The following TLN1 variants were observed in gnomAD, a reference collection of about 807,000 sequenced individuals.
The protein encoded by TLN1 is talin-1.
In TLN1, 56 loss-of-function variants were observed where a neutral mutation model predicts 292.3. That is an observed-to-expected ratio of 0.19 (90% CI 0.15 to 0.24). The LOEUF (loss-of-function observed/expected upper bound fraction) is 0.24, where lower values mean the gene tolerates loss of function less well. Ranked by LOEUF, TLN1 falls within the 10% of genes least tolerant of loss-of-function variation. The probability of loss-of-function intolerance (pLI) is 1.00; values close to 1 mark genes in which losing one functional copy is unlikely to be tolerated. For synonymous variants in TLN1, 1,119 were observed against 1,253.7 expected (o/e 0.89, Z 2.27); for missense variants, 2,433 against 3,248.2 (o/e 0.75, Z 6.10).
At position 35,712,093 on chromosome 9, in the gene TLN1, C is replaced by T. The variant is rs765433665; in HGVS notation, c.3593G>A (p.Arg1198His). ...VAKAVTQALN[R>H]CVSCLPGQRD... The stretch of plus-strand genomic sequence containing the variant: ...CTGGCCAGGTAGGCAGCTGACACAG[C>T]GGTTCAGAGCCTGGGTCACTGCTTT... Residue 1198 changes from arginine to histidine, a missense_variant, in exon 28 of 57, where the codon CGC becomes CAC. Physicochemically the swap from Arg to His is conservative, Grantham distance 29 (BLOSUM62 0). Coordinates refer to ENST00000314888, the MANE Select transcript of TLN1 (RefSeq NM_006289.4). The T allele has an allele frequency of 3.1e-5, 50 of 1,613,730 alleles. No individual in the cohort carries two copies. Among genetic ancestry groups the T allele is most frequent in the East Asian group, 6.7e-5 (3 of 44,898 alleles).
In TLN1 at chr9:35,707,465, C is replaced by A; in HGVS notation, c.4656G>T (p.Glu1552Asp). 6.2e-7 allele frequency: 1 copy of A among 1,614,166 alleles called. No homozygotes were observed. The highest frequency in any genetic ancestry group is 8.5e-7 in the Non-Finnish European group (1 of 1,180,036). The change falls in exon 36 of 57, where the codon GAG becomes GAT. Residue 1552 changes from glutamate (E) to aspartate (D), a missense_variant. Glu to Asp is a conservative substitution (Grantham distance 45, BLOSUM62 2). This residue lies in a region of TLN1 where 1,384 missense variants were observed against 1,699.6 expected (regional missense o/e 0.81). Coordinates refer to ENST00000314888, the MANE Select transcript of TLN1 (RefSeq NM_006289.4). The surrounding 1 kb of genome is among the most constrained non-coding windows in gnomAD (Gnocchi z 5.6). The stretch of plus-strand genomic sequence containing the variant: ...CTGCTCGGCACTGGGCACGGTTCTC[C>A]TCTGTGAAGGCCCCATCTAGCGCCT... ...TIKALDGAFTEENRAQCRAAT... is the reference protein window; with the variant it reads ...TIKALDGAFTDENRAQCRAAT...
At position 35,699,606 on chromosome 9, in the gene TLN1, G is replaced by A; in HGVS notation, c.6769-145C>T. On this transcript the variant is annotated intron_variant, in intron 50 of 56. Transcript: ENST00000314888. This position sits in a 1 kb window ranked among gnomAD's most constrained non-coding sequence, Gnocchi z 4.0. ...CTCAAACTCCACGCTGCCTATCCAA[G>A]TACACATCATGCATCACACCTCACA... 7.0e-7 allele frequency: 1 copy of A among 1,428,448 alleles called. No homozygotes were observed. Among genetic ancestry groups the A allele is most frequent in the East Asian group, 2.5e-5 (1 of 39,606 alleles). 88.5% of individuals were successfully genotyped at this position (1,428,448 alleles called of 1,614,324 possible).
chr9:35,724,408 A>T lies in TLN1; in HGVS notation c.512-74T>A. ...CTGTCTGGTCTCTGTTTATTTCTGC[A>T]TTTCCTACCTCCCCTCACTTAAATG... is the stretch of plus-strand genomic sequence containing the variant. On this transcript the variant is annotated intron_variant, in intron 5 of 56. Transcript: ENST00000314888. The surrounding 1 kb of genome is among the most constrained non-coding windows in gnomAD (Gnocchi z 4.7). 6.3e-7 allele frequency: 1 copy of T among 1,595,026 alleles called. No individual in the cohort carries two copies. The highest frequency in any genetic ancestry group is 8.6e-7 in the Non-Finnish European group (1 of 1,165,876).
At position 35,720,706 on chromosome 9, in the gene TLN1, AC is replaced by A. The variant is rs1473329425; in HGVS notation, c.1206+105del. ...AGAGGCAAGATCTCGGCTCATTGCA[AC>A]CTCCGCCTCCCAGGTTCAAGCAATC... On this transcript the variant is annotated intron_variant, in intron 11 of 56. Transcript: ENST00000314888. 17 of 1,176,190 alleles carry A rather than the reference AC, an allele frequency of 1.4e-5. No individual in the cohort carries two copies. In the African/African-American group the frequency reaches 2.3e-4, roughly 16 times the overall value. 72.9% of individuals were successfully genotyped at this position (1,176,190 alleles called of 1,614,324 possible).
In TLN1 at chr9:35,724,407, C is replaced by T. The variant is rs1215556611; in HGVS notation, c.512-73G>A. ...GCTGTCTGGTCTCTGTTTATTTCTG[C>T]ATTTCCTACCTCCCCTCACTTAAAT... On this transcript the variant is annotated intron_variant, in intron 5 of 56. Transcript: ENST00000314888. The surrounding 1 kb of genome is among the most constrained non-coding windows in gnomAD (Gnocchi z 4.7). 6.3e-7 allele frequency: 1 copy of T among 1,593,996 alleles called. No individual in the cohort carries two copies. Among genetic ancestry groups the T allele is most frequent in the Admixed American group, 1.7e-5 (1 of 59,130 alleles).
intron 1 of TLN1, among the ~76,000 whole-genome samples, chr9:35,730,407 C>T (rs1260709439): frequency 6.6e-6 from 1 of 151,060 alleles, no homozygotes; most frequent in African/African-American, 2.4e-5. Context: ...CTTTGGGTCT[C>T]GTTTCCTCTT....
Position 35,724,056 on chromosome 9 carries a change from G to A in TLN1, c.678C>T (p.Gly226=). The A allele has an allele frequency of 1.2e-6, 2 of 1,613,956 alleles. No individual in the cohort carries two copies. Among genetic ancestry groups the A allele is most frequent in the Non-Finnish European group, 1.7e-6 (2 of 1,179,880 alleles). Residue 226 remains glycine (G), a synonymous_variant, in exon 7 of 57, where the codon GGC becomes GGT. Coordinates refer to ENST00000314888, the MANE Select transcript of TLN1 (RefSeq NM_006289.4). This position sits in a 1 kb window ranked among gnomAD's most constrained non-coding sequence, Gnocchi z 4.7. ...YVQARDDILN[G]SHPVSFDKAC... The stretch of plus-strand genomic sequence containing the variant: ...CCTTGTCAAAGGAGACAGGGTGGGA[G>A]CCATTCAGGATGTCATCTCGTGCCT...
chr9:35,701,373 C>T (rs1377968422), intron 48 of TLN1, among the ~76,000 whole-genome samples: 4 of 152,160 alleles, frequency 2.6e-5, no homozygotes, highest in Non-Finnish European at 5.9e-5. Context: ...AACCCCTGGG[C>T]TCAAGGGATC....
Position 35,715,114 on chromosome 9 carries a change from G to A in TLN1, c.2699C>T (p.Ala900Val), listed in dbSNP as rs747168571. Residue 900 changes from alanine (A) to valine (V), a missense_variant, in exon 21 of 57, where the codon GCC becomes GTC. Physicochemically the swap from Ala to Val is moderately conservative, Grantham distance 64 (BLOSUM62 0). Around this residue, in one of 7 missense-constraint regions of TLN1, gnomAD observed 617 missense variants for 770.6 expected, o/e 0.80. Transcript: ENST00000314888. ...LREAAEGLRM[A>V]TNAAAQNAIK... ...GGCATTCTGCGCAGCTGCATTGGTG[G>A]CCATGCGCAGCCCCTCAGCTGCCTC... The A allele has an allele frequency of 6.2e-7, 1 of 1,613,204 alleles. No individual in the cohort carries two copies. Among genetic ancestry groups the A allele is most frequent in the Non-Finnish European group, 8.5e-7 (1 of 1,180,038 alleles).
intron 9 of TLN1, 49 bp downstream of exon 9, chr9:35,722,070 G>C (rs200039791): frequency 6.7e-5 from 103 of 1,535,292 alleles, no homozygotes; most frequent in Non-Finnish European, 9.1e-5. Flanking sequence ...AGACAGAAAA[G>C]GGCAAGAGTG....
chr9:35,705,796 G>A lies in TLN1; in HGVS notation c.5567C>T (p.Thr1856Ile), dbSNP rs1453843384. 2.5e-6 allele frequency: 4 copies of A among 1,614,132 alleles called. No homozygotes were observed. Among genetic ancestry groups the A allele is most frequent in the Non-Finnish European group, 3.4e-6 (4 of 1,180,054 alleles). Residue 1856 changes from threonine to isoleucine, a missense_variant, in exon 42 of 57, where the codon ACT (threonine) becomes ATT (isoleucine). Thr to Ile is a moderately conservative substitution (Grantham distance 89). Around this residue, in one of 7 missense-constraint regions of TLN1, gnomAD observed 1,384 missense variants for 1,699.6 expected, o/e 0.81. Coordinates refer to ENST00000314888, the MANE Select transcript of TLN1 (RefSeq NM_006289.4). ...AATGGCCTTGGCTGTCCGCACCATAGTTGTTTGGTAATCCACGAAGGAACC... is the reference window on the plus strand; with the variant it reads ...AATGGCCTTGGCTGTCCGCACCATAATTGTTTGGTAATCCACGAAGGAACC... ...PEGSFVDYQTTMVRTAKAIAV... is the reference protein window; with the variant it reads ...PEGSFVDYQTIMVRTAKAIAV...
At chr9:35,720,275 A>AC in intron 12 of TLN1, 56 bp from the exon 13 acceptor site, 1 of 1,545,228 alleles carries the variant, frequency 6.5e-7, no homozygotes, top group Non-Finnish European at 8.7e-7. Context: ...TACCCGTCCC[A>AC]CCCGGTTACA....
In TLN1 at chr9:35,706,594, AG is replaced by A. The variant is rs1563940313; in HGVS notation, c.5089-44del. 1 of 1,604,712 alleles carries A rather than the reference AG, an allele frequency of 6.2e-7. No homozygotes were observed. On this transcript the variant is annotated intron_variant, in intron 38 of 56. Transcript: ENST00000314888. The surrounding 1 kb of genome is among the most constrained non-coding windows in gnomAD (Gnocchi z 4.2). ...ATTAGCCCTGATGGTGACCTGCAAT[AG>A]GACCCTCTGGCTACAAAGAACTGCT...
chr9:35,700,400 A>G, intron 48 of TLN1, 24 bp from the exon 49 acceptor site: 3 of 1,586,420 alleles, frequency 1.9e-6, no homozygotes, highest in Non-Finnish European at 2.6e-6. Flanking sequence ...AGAAGAAGAA[A>G]GATTTTACAG....
Position 35,719,993 on chromosome 9 carries a change from G to A in TLN1, c.1464+46C>T. On this transcript the variant is annotated intron_variant, in intron 13 of 56. Transcript: ENST00000314888. This position sits in a 1 kb window ranked among gnomAD's most constrained non-coding sequence, Gnocchi z 4.6. The stretch of plus-strand genomic sequence containing the variant: ...CTAACTCCTGGCTCGGCCCAGCTGA[G>A]GGTGAGAGAAGGGCCCTGGCACCGT... 6.3e-7 allele frequency: 1 copy of A among 1,581,560 alleles called. No homozygotes were observed. The highest frequency in any genetic ancestry group is 8.6e-7 in the Non-Finnish European group (1 of 1,162,414).
chr9:35,710,430 G>A, intron 33 of TLN1, 131 bp downstream of exon 33: 7 of 1,335,636 alleles, frequency 5.2e-6, no homozygotes, highest in Non-Finnish European at 7.1e-6. Context: ...TCAGGAGGAG[G>A]ACAACCCAGA....
At position 35,722,845 on chromosome 9, in the gene TLN1, C is replaced by T; in HGVS notation, c.843+16G>A. On this transcript the variant is annotated intron_variant, in intron 8 of 56. Transcript: ENST00000314888. ...CTCCGCGGTCATCCCAAATACTTTCCCCTACCCACATTCACCTGGAAGATC... is the reference window on the plus strand; with the variant it reads ...CTCCGCGGTCATCCCAAATACTTTCTCCTACCCACATTCACCTGGAAGATC... 6.2e-7 allele frequency: 1 copy of T among 1,613,412 alleles called. No homozygotes were observed. Among genetic ancestry groups the T allele is most frequent in the Non-Finnish European group, 8.5e-7 (1 of 1,179,520 alleles).
At chr9:35,720,782 A>T (rs753163701) in intron 11 of TLN1, 30 bp downstream of exon 11, 2 of 1,594,822 alleles carry the variant, frequency 1.3e-6, no homozygotes, top group Admixed American at 3.3e-5. Context: ...AAGAGGCGAT[A>T]AGGAGAAGGC....
At position 35,714,433 on chromosome 9, in the gene TLN1, G is replaced by A. The variant is rs1333658152; in HGVS notation, c.2986-60C>T. The A allele has an allele frequency of 3.8e-6, 6 of 1,578,024 alleles. No homozygotes were observed. In the East Asian group the frequency reaches 1.3e-4, roughly 35 times the overall value. On this transcript the variant is annotated intron_variant, in intron 23 of 56. Coordinates refer to ENST00000314888, the MANE Select transcript of TLN1 (RefSeq NM_006289.4). The surrounding 1 kb of genome is among the most constrained non-coding windows in gnomAD (Gnocchi z 4.6). ...ATCCTCCCTCTGGGCTTGGGTACAA[G>A]GACTGATGATGGTCAGGATGTAGGG...
Sources: gnomAD v4.1 joint callset for allele counts (sites outside exome capture counted in the v4.1 genomes callset) on GRCh38, gnomAD v4.1.1 for gene constraint, gnomAD v4.1.1 regional missense constraint, Gnocchi (gnomAD v3.1) non-coding constraint, MANE v1.5 for transcripts, NCBI Gene and HGNC (gene_info 2026-07-23, HGNC 2026-07-21) for gene names.